Variants in AAK1 observed in about 807,000 individuals in gnomAD.
AAK1 encodes the protein AP2-associated protein kinase 1.
In AAK1, 37 loss-of-function variants were observed where a neutral mutation model predicts 116.0. That is an observed-to-expected ratio of 0.32 (90% CI 0.25 to 0.42). AAK1 has a LOEUF of 0.42. Among genes scored for constraint, AAK1 ranks in the 10% least tolerant of loss-of-function variants. The probability of loss-of-function intolerance (pLI) is 1.00; values close to 1 mark genes in which losing one functional copy is unlikely to be tolerated. For synonymous variants in AAK1, 458 were observed against 439.9 expected (o/e 1.04, Z -0.51); for missense variants, 919 against 1,170.6 (o/e 0.79, Z 3.14).
intron 2 of AAK1, among the ~76,000 whole-genome samples, chr2:69,640,071 T>A (rs1218372864): frequency 6.7e-6 from 1 of 150,238 alleles, no homozygotes; most frequent in Non-Finnish European, 1.5e-5. Context: ...TCTCTCTCTC[T>A]CTCTCTCTCC....
intron 10 of AAK1, among the ~76,000 whole-genome samples, chr2:69,522,865 T>C (rs529974033): frequency 9.2e-5 from 14 of 151,562 alleles, no homozygotes; most frequent in African/African-American, 3.1e-4. Flanking sequence ...CAGGCTTCTG[T>C]AGAAACCCAA....
chr2:69,487,843 G>A (rs1215708715), intron 17 of AAK1, among the ~76,000 whole-genome samples: 1 of 146,974 alleles, frequency 6.8e-6, no homozygotes, highest in East Asian at 2.0e-4. Context: ...AGGCTGGAGT[G>A]CAATGGCGCG....
At position 69,475,650 on chromosome 2, in the gene AAK1, C is replaced by A; in HGVS notation, c.*219G>T. On this transcript the variant is annotated 3_prime_UTR_variant, in exon 22 of 22. Coordinates refer to ENST00000409085, the MANE Select transcript of AAK1 (RefSeq NM_014911.5). ...GAAGAAGGGTAATGAGAAAACACAG[C>A]AAACTAACAAGGAGGAACTGGCCAA... 1 of 1,339,744 alleles carries A rather than the reference C, an allele frequency of 7.5e-7. No individual in the cohort carries two copies. Among genetic ancestry groups the A allele is most frequent in the Non-Finnish European group, 9.6e-7 (1 of 1,044,304 alleles). 83.0% of individuals were successfully genotyped at this position (1,339,744 alleles called of 1,614,324 possible).
At chr2:69,628,585 G>T (rs911623068) in intron 2 of AAK1, among the ~76,000 whole-genome samples, 1 of 152,132 alleles carries the variant, frequency 6.6e-6, no homozygotes, top group Non-Finnish European at 1.5e-5. Context: ...TTTGATGGTA[G>T]ACTTGAACAA....
intron 17 of AAK1, among the ~76,000 whole-genome samples, chr2:69,490,751 A>C (rs1427624731): frequency 6.6e-6 from 1 of 152,162 alleles, no homozygotes; most frequent in Non-Finnish European, 1.5e-5. Flanking sequence ...TGATGGCTGC[A>C]AAACAATGAG....
Position 69,464,263 on chromosome 2 carries a change from A to C in AAK1, c.*11606T>G, listed in dbSNP as rs1283022284. ...AACAAGCAAGCCTAGTTTGTAGCCT[A>C]GTCTCATGATTAATGAATTCCCTAA... On this transcript the variant is annotated 3_prime_UTR_variant, in exon 22 of 22. Transcript: ENST00000409085. 6.6e-6 allele frequency: 1 copy of C among 152,192 alleles called. No homozygotes were observed. The highest frequency in any genetic ancestry group is 1.5e-5 in the Non-Finnish European group (1 of 68,032). 9.4% of individuals were successfully genotyped at this position (152,192 alleles called of 1,614,324 possible). A position where few individuals can be genotyped will look rare whatever the true frequency, so the allele number is the denominator to read the frequency against.
chr2:69,520,394 C>T (rs1361814878), intron 11 of AAK1, among the ~76,000 whole-genome samples: 7 of 143,080 alleles, frequency 4.9e-5, no homozygotes, highest in East Asian at 2.0e-4. Context: ...GAGTTTCACT[C>T]GTCACCCAGG....
rs113779992 is a variant in AAK1 at position 69,631,373 on chromosome 2, C to A, written c.163+11505G>T. On this transcript the variant is annotated intron_variant, in intron 2 of 21. Coordinates refer to ENST00000409085, the MANE Select transcript of AAK1 (RefSeq NM_014911.5). ...TAGATGACAGGCATCATTATTTAAG[C>A]TCATTATAACGACAAAAGATAATCT... Among the ~76,000 whole-genome samples, 575 of 152,360 alleles carry A rather than the reference C, an allele frequency of 3.8e-3. 2 individuals are homozygous for A. The highest frequency in any genetic ancestry group is 0.013 in the African/African-American group (554 of 41,588).
At chr2:69,596,075 C>A (rs1441195554) in intron 2 of AAK1, among the ~76,000 whole-genome samples, 1 of 152,220 alleles carries the variant, frequency 6.6e-6, no homozygotes, top group Non-Finnish European at 1.5e-5. Flanking sequence ...TCAGGAAAAA[C>A]AAAATTCGTT....
chr2:69,509,381 A>C lies in AAK1; in HGVS notation c.1856T>G (p.Leu619Arg), dbSNP rs1676305045. ...GGTTTTGGGGGATGAGGGTGGAGTGAGAGATCCAACTTTCTGCCCCTGGAC... is the reference window on the plus strand; with the variant it reads ...GGTTTTGGGGGATGAGGGTGGAGTGCGAGATCCAACTTTCTGCCCCTGGAC... Reference protein sequence around the residue: ...PAVQGQKVGSLTPPSSPKTQR... With the variant: ...PAVQGQKVGSRTPPSSPKTQR... Residue 619 changes from leucine to arginine, a missense_variant, in exon 14 of 22, where the codon CTC (leucine) becomes CGC (arginine). This residue lies in a region of AAK1 where 125 missense variants were observed against 184.1 expected (regional missense o/e 0.68). Transcript: ENST00000409085. The C allele has an allele frequency of 6.2e-7, 1 of 1,613,866 alleles. No individual in the cohort carries two copies. The highest frequency in any genetic ancestry group is 8.5e-7 in the Non-Finnish European group (1 of 1,179,896).
chr2:69,587,303 G>A (rs768567504), intron 2 of AAK1, among the ~76,000 whole-genome samples: 19 of 148,542 alleles, frequency 1.3e-4, no homozygotes, highest in Non-Finnish European at 2.1e-4. Context: ...ACGTATATAC[G>A]CATGTATATA....
At chr2:69,520,616 C>CT (rs946369849) in intron 11 of AAK1, among the ~76,000 whole-genome samples, 4 of 152,126 alleles carry the variant, frequency 2.6e-5, no homozygotes, top group African/African-American at 9.7e-5. Flanking sequence ...ATTCACCCGC[C>CT]TTAGCCTCCC....
At chr2:69,590,160 A>C (rs1333099310) in intron 2 of AAK1, among the ~76,000 whole-genome samples, 1 of 152,192 alleles carries the variant, frequency 6.6e-6, no homozygotes, top group Admixed American at 6.5e-5. Flanking sequence ...CCAGCAGAAC[A>C]CATCATGTCA....
chr2:69,465,475 C>T lies in AAK1; in HGVS notation c.*10394G>A. ...GGGAAGGGTGCTAGAGCAAATGGAT[C>T]AGCAGCTGGCAGCTCCGTAGTCCTG... is the stretch of plus-strand genomic sequence containing the variant. On this transcript the variant is annotated 3_prime_UTR_variant, in exon 22 of 22. Transcript: ENST00000409085. 3.9e-6 allele frequency: 5 copies of T among 1,290,858 alleles called. No homozygotes were observed. The highest frequency in any genetic ancestry group is 5.1e-6 in the Non-Finnish European group (5 of 988,862). 80.0% of individuals were successfully genotyped at this position (1,290,858 alleles called of 1,614,324 possible).
At position 69,469,516 on chromosome 2, in the gene AAK1, T is replaced by C. The variant is rs549520525; in HGVS notation, c.*6353A>G. ...GTTTGAAGCAGTCTCTTTACTAGCA[T>C]TGAAGGATTTATACTAACCTAACCA... On this transcript the variant is annotated 3_prime_UTR_variant, in exon 22 of 22. Transcript: ENST00000409085. 3.8e-5 allele frequency: 37 copies of C among 985,454 alleles called. No homozygotes were observed. The Middle Eastern group carries it at 4.2e-3, about 111-fold the overall frequency. 61.0% of individuals were successfully genotyped at this position (985,454 alleles called of 1,614,324 possible).
chr2:69,629,564 G>A (rs147377832), intron 2 of AAK1, among the ~76,000 whole-genome samples: 2 of 152,146 alleles, frequency 1.3e-5, no homozygotes, highest in Non-Finnish European at 1.5e-5. Flanking sequence ...AGATTCAATA[G>A]TTCTTATTGT....
At chr2:69,497,349 C>G (rs1489826894) in intron 16 of AAK1, among the ~76,000 whole-genome samples, 3 of 128,522 alleles carry the variant, frequency 2.3e-5, no homozygotes, top group Non-Finnish European at 3.1e-5. Context: ...GTTGCCCAGG[C>G]TGGAGTACAG....
At chr2:69,589,302 C>T (rs1037961873) in intron 2 of AAK1, among the ~76,000 whole-genome samples, 4 of 151,668 alleles carry the variant, frequency 2.6e-5, no homozygotes, top group South Asian at 2.1e-4. Flanking sequence ...ACTCTGAAGC[C>T]GGGTAGCGGT....
At chr2:69,612,629 A>G (rs1019159013) in intron 2 of AAK1, among the ~76,000 whole-genome samples, 1 of 152,214 alleles carries the variant, frequency 6.6e-6, no homozygotes, top group African/African-American at 2.4e-5. Flanking sequence ...CATCTTCTCT[A>G]TGGTCCTTGC....
Sources: gnomAD v4.1 joint callset for allele counts (sites outside exome capture counted in the v4.1 genomes callset) on GRCh38, gnomAD v4.1.1 for gene constraint, gnomAD v4.1.1 regional missense constraint, MANE v1.5 for transcripts, NCBI Gene and HGNC (gene_info 2026-07-23, HGNC 2026-07-21) for gene names.